SIL1: variants seen among roughly 807,000 people sequenced by gnomAD.
SIL1 encodes nucleotide exchange factor SIL1.
In SIL1, 40 loss-of-function variants were observed where a neutral mutation model predicts 49.1. The observed-to-expected ratio is 0.81, with a 90% CI of 0.63 to 1.06. The LOEUF (loss-of-function observed/expected upper bound fraction) is 1.06, where lower values mean the gene tolerates loss of function less well. Among genes scored for constraint, SIL1 ranks in the 50% least tolerant of loss-of-function variants. SIL1 has a pLI of 0.00. For missense variants in SIL1, 500 were observed against 572.6 expected (o/e 0.87, Z 1.29); for synonymous variants, 253 against 250.8 (o/e 1.01, Z -0.08).
chr5:138,949,718 G>A (rs1289521007), intron 9 of SIL1, among the ~76,000 whole-genome samples: 1 of 150,804 alleles, frequency 6.6e-6, no homozygotes, highest in Admixed American at 6.6e-5. Context: ...GGCTGAGGTG[G>A]GAGGATCACT....
chr5:139,047,695 G>C (rs1190250223), intron 4 of SIL1, among the ~76,000 whole-genome samples: 1 of 152,218 alleles, frequency 6.6e-6, no homozygotes, highest in African/African-American at 2.4e-5. Flanking sequence ...CCATGAAATG[G>C]AATTGGAGGA....
chr5:138,976,115 C>T (rs1405059132), intron 7 of SIL1, among the ~76,000 whole-genome samples: 2 of 152,144 alleles, frequency 1.3e-5, no homozygotes, highest in Non-Finnish European at 2.9e-5. Flanking sequence ...TCTTAGAACA[C>T]TATATGAGAA....
intron 1 of SIL1, among the ~76,000 whole-genome samples, chr5:139,143,342 C>CATATAT (rs1254298733): frequency 3.6e-4 from 33 of 90,618 alleles, no homozygotes; most frequent in African/African-American, 1.6e-3. Context: ...CACACACACA[C>CATATAT]ACATATATAT....
intron 7 of SIL1, among the ~76,000 whole-genome samples, chr5:139,003,137 T>C (rs989761904): frequency 4.6e-5 from 7 of 151,886 alleles, no homozygotes; most frequent in African/African-American, 1.7e-4. Context: ...ATTAGGACTC[T>C]AGTATTCTCT....
chr5:139,056,714 CG>C (rs938896715), intron 3 of SIL1, among the ~76,000 whole-genome samples: 1 of 150,700 alleles, frequency 6.6e-6, no homozygotes, highest in Non-Finnish European at 1.5e-5. Context: ...GCCCCCCGCC[CG>C]GCCAGCCGCC....
At chr5:139,108,901 G>GAAAAGA (rs1328487566) in intron 3 of SIL1, among the ~76,000 whole-genome samples, 1 of 121,776 alleles carries the variant, frequency 8.2e-6, no homozygotes, top group Non-Finnish European at 1.8e-5. Context: ...TGAAAACAAG[G>GAAAAGA]AAAAGAAAAA....
Position 139,026,962 on chromosome 5 carries a change from GGAAGAGCCGCTTTACCTCA to G in SIL1, c.465_483del (p.Glu156AlafsTer6). The G allele has an allele frequency of 6.2e-7, 1 of 1,614,158 alleles. No individual in the cohort carries two copies. On this transcript the variant is annotated frameshift_variant, in exon 6 of 10. Transcript: ENST00000394817. LOFTEE classifies it high-confidence loss of function. ...TCTTTCTTCAGTTCCTCAATGGGGCGGAAGAGCCGCTTTACCTCAGCCTGCCTTGCCTAAGGAGAGCAGC... is the reference window on the plus strand; with the variant it reads ...TCTTTCTTCAGTTCCTCAATGGGGCGGCCTGCCTTGCCTAAGGAGAGCAGC...
intron 7 of SIL1, among the ~76,000 whole-genome samples, chr5:138,956,300 C>T (rs983516736): frequency 8.5e-5 from 13 of 152,160 alleles, no homozygotes; most frequent in African/African-American, 3.1e-4. Flanking sequence ...TCTGGTGGCC[C>T]CACCTTGCTT....
At chr5:139,107,000 T>C (rs1770728170) in intron 3 of SIL1, among the ~76,000 whole-genome samples, 1 of 152,230 alleles carries the variant, frequency 6.6e-6, no homozygotes, top group South Asian at 2.1e-4. Context: ...ATTTCATTTA[T>C]ATTCCAAAGA....
intron 1 of SIL1, among the ~76,000 whole-genome samples, chr5:139,150,118 C>T (rs1005591782): frequency 6.6e-6 from 1 of 152,184 alleles, no homozygotes; most frequent in African/African-American, 2.4e-5. Flanking sequence ...ATAGAAGGAG[C>T]CAGTAAACAG....
chr5:139,193,207 T>C (rs1034873798), intron 1 of SIL1, among the ~76,000 whole-genome samples: 9 of 152,116 alleles, frequency 5.9e-5, no homozygotes, highest in Non-Finnish European at 1.5e-5. Flanking sequence ...TTACAATGGT[T>C]TGTGGCCATC....
At chr5:139,124,080 G>A (rs28367898) in intron 2 of SIL1, among the ~76,000 whole-genome samples, 25,656 of 151,948 alleles carry the variant, frequency 0.17, 3,299 homozygotes, top group African/African-American at 0.36. Flanking sequence ...CCTATTAGCC[G>A]GGTAATTTCT....
At chr5:139,111,891 C>A (rs1007985799) in intron 3 of SIL1, among the ~76,000 whole-genome samples, 5 of 152,216 alleles carry the variant, frequency 3.3e-5, no homozygotes, top group African/African-American at 7.2e-5. Context: ...CCCTCTGATG[C>A]CGAGCCAAAG....
intron 3 of SIL1, among the ~76,000 whole-genome samples, chr5:139,119,570 G>T (rs564332095): frequency 6.6e-6 from 1 of 152,276 alleles, no homozygotes; most frequent in Admixed American, 6.5e-5. Context: ...AGATTAGCCT[G>T]GGCAACAGGG....
chr5:139,084,858 AATC>A (rs1389486817), intron 3 of SIL1, among the ~76,000 whole-genome samples: 10 of 152,320 alleles, frequency 6.6e-5, no homozygotes, highest in African/African-American at 2.2e-4. Flanking sequence ...TAATTCCCAT[AATC>A]ATCATTTCTC....
intron 1 of SIL1, among the ~76,000 whole-genome samples, chr5:139,181,312 C>G (rs1289221496): frequency 6.6e-6 from 1 of 152,110 alleles, no homozygotes; most frequent in Non-Finnish European, 1.5e-5. Context: ...AACAGAGGCT[C>G]AACTAGGTCC....
intron 5 of SIL1, among the ~76,000 whole-genome samples, 179 bp from the exon 6 acceptor site, chr5:139,027,171 AG>A (rs1273273615): frequency 2.0e-5 from 3 of 152,220 alleles, no homozygotes; most frequent in African/African-American, 7.2e-5. Flanking sequence ...CAGCCCTCAA[AG>A]TCTGCCTATA....
At chr5:138,974,510 A>G (rs1767352536) in intron 7 of SIL1, among the ~76,000 whole-genome samples, 1 of 152,134 alleles carries the variant, frequency 6.6e-6, no homozygotes, top group Admixed American at 6.5e-5. Context: ...AGAATAATCC[A>G]CTCAGCTGAT....
chr5:139,144,198 C>A (rs11748097), intron 1 of SIL1, among the ~76,000 whole-genome samples: 41,814 of 152,096 alleles, frequency 0.27, 6,442 homozygotes, highest in Middle Eastern at 0.38. Flanking sequence ...GTGATTCATG[C>A]CTGTAATCCC....
Sources: gnomAD v4.1 joint callset for allele counts (sites outside exome capture counted in the v4.1 genomes callset) on GRCh38, gnomAD v4.1.1 for gene constraint, MANE v1.5 for transcripts, NCBI Gene and HGNC (gene_info 2026-07-23, HGNC 2026-07-21) for gene names.